Variants in MAST4 observed in about 807,000 individuals in gnomAD.
The protein encoded by MAST4 is microtubule associated serine/threonine kinase family member 4.
A neutral mutation model predicts 162.7 loss-of-function variants in MAST4; 89 were observed. The ratio of observed to expected loss-of-function variants is 0.55; its 90% CI spans 0.46 to 0.65. MAST4 has a LOEUF of 0.65. Ranked by LOEUF, MAST4 falls within the 30% of genes least tolerant of loss-of-function variation. The pLI is 0.00. For missense variants in MAST4, 3,153 were observed against 3,374.0 expected, an observed-to-expected ratio of 0.93 and a Z score of 1.62; for synonymous variants, 1,479 against 1,361.1, an observed-to-expected ratio of 1.09 and a Z score of -1.91.
chr5:66,755,360 T>C (rs1375495146), intron 1 of MAST4, among the ~76,000 whole-genome samples: 2 of 152,240 alleles, frequency 1.3e-5, no homozygotes, highest in Non-Finnish European at 2.9e-5. Flanking sequence ...CCACTGTTAA[T>C]ATTTAAAAAC....
chr5:67,049,678 C>T (rs781515174), intron 4 of MAST4, among the ~76,000 whole-genome samples: 8 of 152,138 alleles, frequency 5.3e-5, no homozygotes, highest in African/African-American at 7.2e-5. Context: ...TACTGCCCCT[C>T]AATGGTGGTT....
At chr5:66,750,472 T>A (rs915361473) in intron 1 of MAST4, among the ~76,000 whole-genome samples, 2 of 152,248 alleles carry the variant, frequency 1.3e-5, no homozygotes, top group Non-Finnish European at 2.9e-5. Flanking sequence ...GGCGAGGCAC[T>A]GCCTCACTTG....
intron 4 of MAST4, among the ~76,000 whole-genome samples, chr5:66,997,840 A>G (rs553587336): frequency 2.0e-5 from 3 of 152,350 alleles, no homozygotes; most frequent in South Asian, 4.1e-4. Context: ...TTTTGTTGGT[A>G]TAGAAGTGAT....
At chr5:67,025,021 C>T (rs1754469741) in intron 4 of MAST4, among the ~76,000 whole-genome samples, 1 of 152,090 alleles carries the variant, frequency 6.6e-6, no homozygotes, top group African/African-American at 2.4e-5. Flanking sequence ...CTGCCACTAA[C>T]TAGTTGTGTG....
intron 12 of MAST4, chr5:67,114,932 GC>G (rs1766700983): frequency 6.6e-6 from 1 of 151,494 alleles, no homozygotes; most frequent in African/African-American, 2.4e-5. Flanking sequence ...TGTAGTCCAA[GC>G]TACTCGGGAG....
chr5:66,853,807 A>G (rs528634210), intron 3 of MAST4, among the ~76,000 whole-genome samples: 2 of 152,362 alleles, frequency 1.3e-5, no homozygotes, highest in African/African-American at 2.4e-5. Flanking sequence ...TTTTCTAAAT[A>G]TATAACTTAT....
chr5:67,016,582 T>C (rs1753309324), intron 4 of MAST4, among the ~76,000 whole-genome samples: 1 of 152,218 alleles, frequency 6.6e-6, no homozygotes, highest in Non-Finnish European at 1.5e-5. Context: ...CTGCTGATTC[T>C]CTTTCCTATT....
At chr5:67,064,764 T>C (rs1760031852) in intron 5 of MAST4, among the ~76,000 whole-genome samples, 1 of 152,180 alleles carries the variant, frequency 6.6e-6, no homozygotes, top group South Asian at 2.1e-4. Context: ...AATCTAAAAC[T>C]TTCTATTTTT....
chr5:66,638,024 T>A (rs1745235019), intron 1 of MAST4, among the ~76,000 whole-genome samples: 1 of 152,356 alleles, frequency 6.6e-6, no homozygotes, highest in Middle Eastern at 3.4e-3. Context: ...CTTCTTTAGT[T>A]GTAATTTATT....
In MAST4 at chr5:67,164,633, A is replaced by G. The variant is rs760869404; in HGVS notation, c.5454A>G (p.Thr1818=). ...TGTCCGGACCTCAGGCCTCCAAGAC[A>G]GAACTGCCTTCCCCAGAGTCTGCAC... ...ALLSGPQASK[T]ELPSPESAQS... The change falls in exon 29 of 29, where the codon ACA becomes ACG. Residue 1818 remains threonine (T), a synonymous_variant. Coordinates refer to ENST00000403625, the MANE Select transcript of MAST4 (RefSeq NM_001164664.2). The surrounding 1 kb of genome is among the most constrained non-coding windows in gnomAD (Gnocchi z 5.3). 12 of 1,614,050 alleles carry G rather than the reference A, an allele frequency of 7.4e-6. No homozygotes were observed. The highest frequency in any genetic ancestry group is 3.3e-4 in the Middle Eastern group (2 of 6,062).
intron 4 of MAST4, among the ~76,000 whole-genome samples, chr5:66,900,779 A>G (rs190900542): frequency 4.6e-5 from 7 of 152,286 alleles, no homozygotes; most frequent in Admixed American, 1.3e-4. Flanking sequence ...TTAGAAAAAT[A>G]TATGGCAACT....
intron 3 of MAST4, among the ~76,000 whole-genome samples, chr5:66,790,992 A>G (rs1338888607): frequency 1.3e-5 from 2 of 152,164 alleles, no homozygotes; most frequent in African/African-American, 4.8e-5. Flanking sequence ...ACACTGTCAC[A>G]GAATAATATG....
At chr5:66,652,974 C>G (rs143931947) in intron 1 of MAST4, among the ~76,000 whole-genome samples, 2 of 152,244 alleles carry the variant, frequency 1.3e-5, no homozygotes, top group East Asian at 3.9e-4. Flanking sequence ...TCAGGCCCCA[C>G]GCGGTTCTGT....
chr5:66,886,489 C>T (rs2149927744), intron 3 of MAST4, among the ~76,000 whole-genome samples: 1 of 152,032 alleles, frequency 6.6e-6, no homozygotes, highest in South Asian at 2.1e-4. Flanking sequence ...CGTCGATTCT[C>T]CCCACCCCGT....
chr5:66,644,908 C>T (rs1360362508), intron 1 of MAST4, among the ~76,000 whole-genome samples: 1 of 151,784 alleles, frequency 6.6e-6, no homozygotes, highest in Non-Finnish European at 1.5e-5. Flanking sequence ...AGGGGTAATA[C>T]CCTGATGACA....
chr5:66,955,380 G>T (rs1397133898), intron 4 of MAST4, among the ~76,000 whole-genome samples: 4 of 152,028 alleles, frequency 2.6e-5, no homozygotes, highest in Admixed American at 2.6e-4. Flanking sequence ...GAGTGTGCTT[G>T]GTATATGTGA....
chr5:66,874,361 A>G (rs1301419845), intron 3 of MAST4, among the ~76,000 whole-genome samples: 1 of 152,056 alleles, frequency 6.6e-6, no homozygotes, highest in Admixed American at 6.5e-5. Flanking sequence ...GATCTGGTGG[A>G]CAGAAGGGAA....
At chr5:66,610,651 G>A (rs1191851223) in intron 1 of MAST4, among the ~76,000 whole-genome samples, 2 of 152,162 alleles carry the variant, frequency 1.3e-5, no homozygotes, top group East Asian at 1.9e-4. Context: ...TATAGTGTTG[G>A]GCAATATAGC....
At chr5:66,787,940 A>G (rs2149673577) in intron 2 of MAST4, among the ~76,000 whole-genome samples, 2 of 152,330 alleles carry the variant, frequency 1.3e-5, no homozygotes, top group South Asian at 4.1e-4. Flanking sequence ...CCTGAAGTCA[A>G]AAACTATCAT....
Sources: gnomAD v4.1 joint callset for allele counts (sites outside exome capture counted in the v4.1 genomes callset) on GRCh38, gnomAD v4.1.1 for gene constraint, Gnocchi (gnomAD v3.1) non-coding constraint, MANE v1.5 for transcripts, NCBI Gene and HGNC (gene_info 2026-07-23, HGNC 2026-07-21) for gene names.